STX6: variants seen among roughly 807,000 people sequenced by gnomAD.
STX6 encodes the protein syntaxin 6, also known as syntaxin-6.
In STX6, 23 loss-of-function variants were observed where a neutral mutation model predicts 38.0. The observed-to-expected ratio is 0.60, with a 90% CI of 0.43 to 0.86. The LOEUF is 0.86. STX6 is among the 40% of genes least tolerant of loss of function. The pLI, the probability that STX6 is intolerant of heterozygous loss-of-function variation, is 0.00. For synonymous variants in STX6, 123 were observed against 107.5 expected (o/e 1.14, Z -0.89); for missense variants, 274 against 312.9 (o/e 0.88, Z 0.94).
chr1:181,012,672 CT>C (rs58296301), intron 1 of STX6, among the ~76,000 whole-genome samples: 2,497 of 118,890 alleles, frequency 0.021, 19 homozygotes, highest in African/African-American at 0.04. Context: ...TTCTTCCATT[CT>C]TTTTTTTTTT....
At chr1:181,005,981 T>C (rs1656215199) in intron 1 of STX6, among the ~76,000 whole-genome samples, 1 of 152,238 alleles carries the variant, frequency 6.6e-6, no homozygotes, top group Admixed American at 6.5e-5. Context: ...AAACCCAAAA[T>C]CTCATTCAAT....
chr1:180,982,517 C>T (rs1467589585), intron 7 of STX6, among the ~76,000 whole-genome samples: 1 of 152,168 alleles, frequency 6.6e-6, no homozygotes, highest in Non-Finnish European at 1.5e-5. Flanking sequence ...AAAGCATAAG[C>T]AAACTTCAGT....
chr1:181,005,466 G>C lies in STX6; in HGVS notation c.36-3C>G, dbSNP rs768494925. 1.2e-6 allele frequency: 2 copies of C among 1,610,208 alleles called. No homozygotes were observed. Among genetic ancestry groups the C allele is most frequent in the Non-Finnish European group, 1.7e-6 (2 of 1,177,952 alleles). The stretch of plus-strand genomic sequence containing the variant: ...TGTTGACTGCTTTCTGTACCTCTCT[G>C]TAATCAAGATGAGGCAAAGGAGAGA... On this transcript the variant is annotated splice_polypyrimidine_tract_variant and splice_region_variant and intron_variant, in intron 1 of 7. Transcript: ENST00000258301.
chr1:181,006,663 A>T (rs906726492), intron 1 of STX6, among the ~76,000 whole-genome samples: 15 of 152,116 alleles, frequency 9.9e-5, no homozygotes, highest in African/African-American at 3.6e-4. Flanking sequence ...AACGTGTTCT[A>T]GCTGATTAGG....
intron 1 of STX6, among the ~76,000 whole-genome samples, chr1:181,019,530 T>G (rs1302726698): frequency 6.6e-6 from 1 of 152,150 alleles, no homozygotes; most frequent in Non-Finnish European, 1.5e-5. Flanking sequence ...TGGGTGCATG[T>G]AGAGTAAGAG....
At chr1:181,009,683 A>G (rs1395179991) in intron 1 of STX6, among the ~76,000 whole-genome samples, 1 of 152,154 alleles carries the variant, frequency 6.6e-6, no homozygotes, top group Non-Finnish European at 1.5e-5. Context: ...GAATTCTCAT[A>G]CCTTACTGGT....
chr1:181,001,143 T>C (rs1420281064), intron 3 of STX6, among the ~76,000 whole-genome samples: 1 of 152,110 alleles, frequency 6.6e-6, no homozygotes, highest in African/African-American at 2.4e-5. Context: ...AACAAGAATA[T>C]ATAAAGTTCA....
intron 1 of STX6, among the ~76,000 whole-genome samples, chr1:181,021,971 ATT>A (rs1656740727): frequency 1.3e-5 from 2 of 152,184 alleles, no homozygotes; most frequent in Admixed American, 1.3e-4. Flanking sequence ...GGCTTGTTTC[ATT>A]TTGTTTTCCT....
intron 1 of STX6, among the ~76,000 whole-genome samples, chr1:181,022,036 G>A (rs1467357306): frequency 1.3e-5 from 2 of 152,116 alleles, no homozygotes; most frequent in Non-Finnish European, 2.9e-5. Context: ...ACATTACTCA[G>A]TAAAAACTCC....
Position 181,022,709 on chromosome 1 carries a change from G to C in STX6, c.-36C>G. 3.2e-6 allele frequency: 5 copies of C among 1,586,032 alleles called. No individual in the cohort carries two copies. Among genetic ancestry groups the C allele is most frequent in the Non-Finnish European group, 3.4e-6 (4 of 1,167,932 alleles). ...CCCCGGCCGCCTTCACCTCCTCCGC[G>C]CACAGGGCGCCCGTGCCTCCCGGTC... is the stretch of plus-strand genomic sequence containing the variant. On this transcript the variant is annotated 5_prime_UTR_variant, in exon 1 of 8. Coordinates refer to ENST00000258301, the MANE Select transcript of STX6 (RefSeq NM_005819.6).
intron 6 of STX6, chr1:180,987,965 T>C (rs554643555): frequency 6.9e-6 from 2 of 288,710 alleles, no homozygotes; most frequent in South Asian, 4.0e-5. Flanking sequence ...TTCCCATTCA[T>C]AACTATACTT....
At position 180,999,655 on chromosome 1, in the gene STX6, A is replaced by T. The variant is rs1351389523; in HGVS notation, c.300+2951T>A. Among the ~76,000 whole-genome samples the T allele has an allele frequency of 8.4e-4, 6 of 7,150 alleles. 1 individual carries two copies. The highest frequency in any genetic ancestry group is 1.3e-3 in the Non-Finnish European group (5 of 3,872). The allele number at this position is 7,150 out of a possible 152,430, so 4.7% of individuals were successfully genotyped here. On this transcript the variant is annotated intron_variant, in intron 3 of 7. Transcript: ENST00000258301. ...CGATTTACTTCTTCAGGTTGAAGCA[A>T]ATAAAGAAAAAAAAAACCACAAAAT...
intron 1 of STX6, among the ~76,000 whole-genome samples, chr1:181,007,972 T>C (rs1258680306): frequency 6.6e-6 from 1 of 152,218 alleles, no homozygotes; most frequent in Non-Finnish European, 1.5e-5. Context: ...CATCAGTCTG[T>C]GGACATACAT....
At chr1:181,007,689 T>C (rs1656262903) in intron 1 of STX6, among the ~76,000 whole-genome samples, 1 of 152,164 alleles carries the variant, frequency 6.6e-6, no homozygotes, top group Admixed American at 6.5e-5. Flanking sequence ...TCTATGAACT[T>C]TTTTGGTCTC....
At position 180,972,875 on chromosome 1, in the gene STX6, C is replaced by CAAAA; in HGVS notation, c.*3691_*3694dup. The stretch of plus-strand genomic sequence containing the variant: ...TTCTGGTTTGGTTTTATTTTTTAAT[C>CAAAA]AAAAAAAAAAAAAGGAGAGAAAGAA... On this transcript the variant is annotated 3_prime_UTR_variant, in exon 8 of 8. Transcript: ENST00000258301. 1 of 189,140 alleles carries CAAAA rather than the reference C, an allele frequency of 5.3e-6. No individual in the cohort carries two copies. The highest frequency in any genetic ancestry group is 1.1e-5 in the Non-Finnish European group (1 of 94,452). 11.7% of individuals were successfully genotyped at this position (189,140 alleles called of 1,614,324 possible). A position where few individuals can be genotyped will look rare whatever the true frequency, so the allele number is the denominator to read the frequency against.
intron 1 of STX6, among the ~76,000 whole-genome samples, chr1:181,009,591 T>G (rs1432054411): frequency 2.6e-5 from 4 of 152,118 alleles, no homozygotes; most frequent in Non-Finnish European, 4.4e-5. Flanking sequence ...AATCTTCAAT[T>G]ACATACTACT....
intron 3 of STX6, among the ~76,000 whole-genome samples, chr1:180,993,787 C>T (rs1024097045): frequency 6.6e-6 from 1 of 152,084 alleles, no homozygotes; most frequent in African/African-American, 2.4e-5. Context: ...AGACCTAGGT[C>T]CAAAAAGACG....
chr1:180,992,372 A>C (rs1055303903), intron 4 of STX6, among the ~76,000 whole-genome samples: 4 of 152,252 alleles, frequency 2.6e-5, no homozygotes, highest in African/African-American at 9.6e-5. Flanking sequence ...TTTGTTTTCA[A>C]AATTAAGTGT....
At chr1:181,022,459 T>C (rs1656766518) in intron 1 of STX6, among the ~76,000 whole-genome samples, 180 bp downstream of exon 1, 1 of 152,044 alleles carries the variant, frequency 6.6e-6, no homozygotes, top group South Asian at 2.1e-4. Context: ...ACGGTCCAGG[T>C]AGGGATGGAG....
Sources: allele counts gnomAD v4.1 joint callset (sites outside exome capture counted in the v4.1 genomes callset), GRCh38; gene constraint gnomAD v4.1.1; transcripts MANE v1.5; gene names NCBI Gene and HGNC (gene_info 2026-07-23, HGNC 2026-07-21).